Variants in RNF40 observed in about 807,000 individuals in gnomAD.
RNF40 encodes the protein ring finger protein 40.
A neutral mutation model predicts 123.3 loss-of-function variants in RNF40; 39 were observed. The ratio of observed to expected loss-of-function variants is 0.32; its 90% CI spans 0.24 to 0.41. The LOEUF is 0.41. Among genes scored for constraint, RNF40 ranks in the 10% least tolerant of loss-of-function variants. The pLI, the probability that RNF40 is intolerant of heterozygous loss-of-function variation, is 1.00. For missense variants in RNF40, 1,003 were observed against 1,319.9 expected (o/e 0.76, Z 3.72); for synonymous variants, 538 against 526.0 (o/e 1.02, Z -0.31).
intron 4 of RNF40, 50 bp from the exon 5 acceptor site, chr16:30,764,129 G>A: frequency 6.7e-7 from 1 of 1,485,820 alleles, no homozygotes; most frequent in Non-Finnish European, 9.2e-7. Context: ...GGTACAGAGT[G>A]GTAGTAACTG....
intron 18 of RNF40, 54 bp downstream of exon 18, chr16:30,772,027 C>G: frequency 1.9e-6 from 3 of 1,588,166 alleles, no homozygotes; most frequent in Non-Finnish European, 2.6e-6. Flanking sequence ...ACGGACCTAT[C>G]CTGGGGGCAA....
At position 30,776,231 on chromosome 16, in the gene RNF40, C is replaced by G. The variant is rs1214516196; in HGVS notation, c.*2117C>G. On this transcript the variant is annotated 3_prime_UTR_variant, in exon 20 of 20. Coordinates refer to ENST00000324685, the MANE Select transcript of RNF40 (RefSeq NM_014771.4). ...TCTCTCTAGATATCTGCGCTAAAGG[C>G]CACCCGGTCTCCTTATCAGAGGGGC... 1 of 152,136 alleles carries G rather than the reference C, an allele frequency of 6.6e-6. No individual in the cohort carries two copies. Among genetic ancestry groups the G allele is most frequent in the East Asian group, 1.9e-4 (1 of 5,168 alleles). The allele number at this position is 152,136 out of a possible 1,614,324, so 9.4% of individuals were successfully genotyped here.
rs367793448 is a variant in RNF40, at chr16:30,774,122, A to G, written c.*8A>G. 6.2e-7 allele frequency: 1 copy of G among 1,608,796 alleles called. No homozygotes were observed. The highest frequency in any genetic ancestry group is 8.5e-7 in the Non-Finnish European group (1 of 1,176,306). On this transcript the variant is annotated 3_prime_UTR_variant, in exon 20 of 20. Transcript: ENST00000324685. Reference sequence around the variant, plus strand: ...CGTATCTACATCAGCTGAACCTGAAACTCAGGGGACTCTGGAACACCATGG... The same window carrying G: ...CGTATCTACATCAGCTGAACCTGAAGCTCAGGGGACTCTGGAACACCATGG...
intron 8 of RNF40, 42 bp downstream of exon 8, chr16:30,765,541 T>C: frequency 6.4e-7 from 1 of 1,555,624 alleles, no homozygotes; most frequent in Non-Finnish European, 8.8e-7. Flanking sequence ...CAACCTCTTC[T>C]CTGTTGCACT....
Position 30,763,437 on chromosome 16 carries a change from C to T in RNF40, c.320C>T (p.Ala107Val). ...YWAQLDETVEALLRCHESQGE... is the reference protein window; with the variant it reads ...YWAQLDETVEVLLRCHESQGE... ...TTCCAGCTGGATGAAACTGTGGAAG[C>T]CCTTCTCCGATGCCATGAGAGCCAG... Residue 107 changes from alanine (A) to valine (V), a missense_variant, in exon 4 of 20, where the codon GCC (alanine) becomes GTC (valine). Ala to Val is a moderately conservative substitution (Grantham distance 64). Around this residue, in one of 11 missense-constraint regions of RNF40, gnomAD observed 104 missense variants for 85.2 expected, o/e 1.22. Transcript: ENST00000324685. 2.5e-6 allele frequency: 4 copies of T among 1,607,948 alleles called. No individual in the cohort carries two copies. The highest frequency in any genetic ancestry group is 2.2e-5 in the South Asian group (2 of 90,422).
At chr16:30,771,659 C>T (rs992438501) in intron 17 of RNF40, among the ~76,000 whole-genome samples, 174 bp from the exon 18 acceptor site, 2 of 151,894 alleles carry the variant, frequency 1.3e-5, no homozygotes, top group Admixed American at 6.6e-5. Context: ...CAGCATCACA[C>T]GGGAGGAACT....
chr16:30,763,370 G>A, intron 3 of RNF40, 48 bp from the exon 4 acceptor site: 1 of 1,604,126 alleles, frequency 6.2e-7, no homozygotes, highest in Non-Finnish European at 8.5e-7. Flanking sequence ...GTATCATGTT[G>A]GAAAGCACTA....
upstream of RNF40, chr16:30,761,629 C>T (rs774214011): frequency 8.2e-4 from 1,255 of 1,535,990 alleles, 1 homozygote; most frequent in Non-Finnish European, 1.0e-3. Context: ...CACGCGTCCG[C>T]GCGGCCGACC....
At chr16:30,767,520 C>G (rs1242342997) in intron 11 of RNF40, among the ~76,000 whole-genome samples, 3 of 151,526 alleles carry the variant, frequency 2.0e-5, no homozygotes, top group Non-Finnish European at 4.4e-5. Flanking sequence ...AAGAAAAAAC[C>G]TAGGCCAGGT....
In RNF40 at chr16:30,762,370, C is replaced by G. The variant is rs1337292407; in HGVS notation, c.-72+10C>G. ...GCTGACCCTCCTGCTGGTGAGGGCT[C>G]TGGCGCCGGGGGGGACGGGATCCAG... On this transcript the variant is annotated intron_variant, in intron 1 of 19. Transcript: ENST00000324685. 3.1e-6 allele frequency: 2 copies of G among 648,272 alleles called. No individual in the cohort carries two copies. Among genetic ancestry groups the G allele is most frequent in the South Asian group, 5.0e-5 (2 of 40,148 alleles). The allele number at this position is 648,272 out of a possible 1,614,324, so 40.2% of individuals were successfully genotyped here.
chr16:30,773,540 G>C (rs1421825070), intron 19 of RNF40: 1 of 166,386 alleles, frequency 6.0e-6, no homozygotes, highest in Non-Finnish European at 1.3e-5. Flanking sequence ...AGAGAGAACA[G>C]ATTTCTAGTT....
At chr16:30,772,037 A>C (rs959716732) in intron 18 of RNF40, 52 bp from the exon 19 acceptor site, 16 of 1,583,456 alleles carry the variant, frequency 1.0e-5, no homozygotes, top group Non-Finnish European at 1.3e-5. Context: ...CCTGGGGGCA[A>C]GCGGCTCAAG....
rs1550477 is a variant in RNF40, at chr16:30,762,501, T to C, written c.-45T>C. The C allele has an allele frequency of 0.99, 1,531,330 of 1,541,070 alleles. 761,296 individuals carry two copies. The highest frequency in any genetic ancestry group is 1 in the Non-Finnish European group (1,156,732 of 1,156,854). ...TGACGGAAGTACCGCCTCCTCCCGT[T>C]TGACGCCCCTCAGGGGACCCTGCAT... On this transcript the variant is annotated 5_prime_UTR_variant, in exon 2 of 20. Transcript: ENST00000324685.
At chr16:30,765,764 C>T (rs1016965079) in intron 8 of RNF40, among the ~76,000 whole-genome samples, 1 of 152,210 alleles carries the variant, frequency 6.6e-6, no homozygotes, top group Non-Finnish European at 1.5e-5. Flanking sequence ...TCTTTAGGTT[C>T]TACTTGTGGT....
At chr16:30,771,686 A>AGG (rs1202528356) in intron 17 of RNF40, 147 bp from the exon 18 acceptor site, 10 of 797,576 alleles carry the variant, frequency 1.3e-5, no homozygotes, top group Non-Finnish European at 1.9e-5. Flanking sequence ...GGAGAACAGG[A>AGG]GGGGAGGGCT....
chr16:30,764,991 C>G lies in RNF40; in HGVS notation c.703C>G (p.Arg235Gly), dbSNP rs754279522. Reference protein sequence around the residue: ...AAQAHTRELGRENRRLQDLAT... With the variant: ...AAQAHTRELGGENRRLQDLAT... Reference sequence around the variant, plus strand: ...TCAGGCACACACCCGAGAGCTGGGCCGTGAGAACCGGCGACTGCAGGACTT... The same window carrying G: ...TCAGGCACACACCCGAGAGCTGGGCGGTGAGAACCGGCGACTGCAGGACTT... Residue 235 changes from arginine (R) to glycine (G), a missense_variant, in exon 6 of 20, where the codon CGT becomes GGT. Arg to Gly is a moderately radical substitution (Grantham distance 125, BLOSUM62 -2). This residue lies in a region of RNF40 where 274 missense variants were observed against 356.9 expected (regional missense o/e 0.77). Coordinates refer to ENST00000324685, the MANE Select transcript of RNF40 (RefSeq NM_014771.4). 8.7e-6 allele frequency: 14 copies of G among 1,613,520 alleles called. No homozygotes were observed. The African/African-American group carries it at 1.9e-4, about 22-fold the overall frequency.
rs1421287975 is a variant in RNF40, at chr16:30,763,495, G to T, written c.378G>T (p.Gly126=). 6.2e-7 allele frequency: 1 copy of T among 1,613,898 alleles called. No homozygotes were observed. The highest frequency in any genetic ancestry group is 1.3e-5 in the African/African-American group (1 of 74,924). Residue 126 remains glycine (G), a synonymous_variant, in exon 4 of 20, where the codon GGG becomes GGT. Transcript: ENST00000324685. ...TGTCTTCAGCGCCTGAGGCACCTGG[G>T]ACCCAGGAGGGGCCAACATGTGATG... is the stretch of plus-strand genomic sequence containing the variant. The part of the protein sequence containing the change: ...GELSSAPEAP[G]TQEGPTCDGT...
intron 17 of RNF40, among the ~76,000 whole-genome samples, chr16:30,770,081 A>G (rs2054119966): frequency 7.7e-6 from 1 of 129,794 alleles, no homozygotes; most frequent in African/African-American, 2.8e-5. Context: ...TCTGGGTGAC[A>G]AGAGCGAGAC....
At position 30,766,419 on chromosome 16, in the gene RNF40, C is replaced by T. The variant is rs201085414; in HGVS notation, c.1154C>T (p.Thr385Met). The T allele has an allele frequency of 3.3e-5, 54 of 1,613,732 alleles. No homozygotes were observed. The Admixed American group carries it at 6.3e-4, about 19-fold the overall frequency. The change falls in exon 10 of 20, where the codon ACG (threonine) becomes ATG (methionine). Residue 385 changes from threonine to methionine, a missense_variant. By Grantham distance (81) the Thr-to-Met change is moderately conservative (BLOSUM62 -1). Transcript: ENST00000324685. The surrounding 1 kb of genome is among the most constrained non-coding windows in gnomAD (Gnocchi z 5.4). Reference sequence around the variant, plus strand: ...CTTCCTGAGGAGGTAGTGCGGGAGACGGGGGAGTACCGCATGCTGCAGGCC... The same window carrying T: ...CTTCCTGAGGAGGTAGTGCGGGAGATGGGGGAGTACCGCATGCTGCAGGCC... The part of the protein sequence containing the change: ...RSLPEEVVRE[T>M]GEYRMLQAQF...
Sources: allele counts gnomAD v4.1 joint callset (sites outside exome capture counted in the v4.1 genomes callset), GRCh38; gene constraint gnomAD v4.1.1; regional missense constraint gnomAD v4.1.1; non-coding constraint Gnocchi (gnomAD v3.1); transcripts MANE v1.5; gene names NCBI Gene and HGNC (gene_info 2026-07-23, HGNC 2026-07-21).